TRPC6: variants seen among roughly 807,000 people sequenced by gnomAD.
TRPC6 encodes the protein short transient receptor potential channel 6.
Under a neutral mutation model 90.7 loss-of-function variants are expected in TRPC6, and 55 were observed. The observed-to-expected ratio is 0.61, with a 90% CI of 0.49 to 0.76. The LOEUF (loss-of-function observed/expected upper bound fraction) is 0.76. Ranked by LOEUF, TRPC6 falls within the 30% of genes least tolerant of loss-of-function variation. The pLI is 0.00. For missense variants in TRPC6, 989 were observed against 1,122.7 expected (o/e 0.88, Z 1.70); for synonymous variants, 393 against 393.0 (o/e 1.00, Z 0.00).
chr11:101,476,267 AT>A lies in TRPC6; in HGVS notation c.1744+33del, dbSNP rs772788199. ...CATCTGTTTTACAAGAAAATTCTGC[AT>A]TTTTATTTATATTGACTGTACTGTA... On this transcript the variant is annotated intron_variant, in intron 6 of 12. Transcript: ENST00000344327. 6.3e-5 allele frequency: 100 copies of A among 1,585,806 alleles called. No individual in the cohort carries two copies. The African/African-American group carries it at 1.1e-3, about 18-fold the overall frequency.
rs537713997 is a variant in TRPC6, at chr11:101,583,654, G to A, written c.-151C>T. On this transcript the variant is annotated 5_prime_UTR_variant, in exon 1 of 13. Coordinates refer to ENST00000344327, the MANE Select transcript of TRPC6 (RefSeq NM_004621.6). Reference sequence around the variant, plus strand: ...GGACGACGGTGAAGCAGGGGGTGCAGACGCCCGCCGCAAGTGGCTCGCCCA... The same window carrying A: ...GGACGACGGTGAAGCAGGGGGTGCAAACGCCCGCCGCAAGTGGCTCGCCCA... 8.9e-6 allele frequency: 7 copies of A among 787,746 alleles called. No individual in the cohort carries two copies. The African/African-American group carries it at 1.3e-4, about 14-fold the overall frequency. The allele number at this position is 787,746 out of a possible 1,614,324, so 48.8% of individuals were successfully genotyped here.
intron 1 of TRPC6, among the ~76,000 whole-genome samples, chr11:101,506,352 A>C (rs905335177): frequency 1.3e-5 from 2 of 151,920 alleles, no homozygotes; most frequent in Non-Finnish European, 2.9e-5. Flanking sequence ...AGGTCTGGAG[A>C]ATCTTAGTTG....
At chr11:101,478,161 GC>G (rs1364626219) in intron 5 of TRPC6, among the ~76,000 whole-genome samples, 4 of 152,170 alleles carry the variant, frequency 2.6e-5, no homozygotes, top group East Asian at 1.9e-4. Flanking sequence ...TTAAGGAAAT[GC>G]CCCGTCTCTA....
At chr11:101,566,070 G>A (rs541620906) in intron 1 of TRPC6, among the ~76,000 whole-genome samples, 1 of 146,994 alleles carries the variant, frequency 6.8e-6, no homozygotes, top group South Asian at 2.2e-4. Context: ...GAAGTGACAT[G>A]AGGATAATTT....
At chr11:101,473,371 A>G in intron 7 of TRPC6, 138 bp downstream of exon 7, 1 of 903,484 alleles carries the variant, frequency 1.1e-6, no homozygotes, top group Non-Finnish European at 1.7e-6. Flanking sequence ...TCATTTGTAA[A>G]ATCCCCTCAT....
intron 1 of TRPC6, among the ~76,000 whole-genome samples, chr11:101,567,421 G>T (rs575835867): frequency 1.3e-5 from 2 of 152,152 alleles, no homozygotes; most frequent in Admixed American, 6.5e-5. Context: ...TGGGGGAAGG[G>T]GTGGTTGTAG....
intron 1 of TRPC6, among the ~76,000 whole-genome samples, chr11:101,508,546 G>A (rs1308766794): frequency 5.3e-5 from 8 of 151,970 alleles, no homozygotes; most frequent in African/African-American, 1.5e-4. Context: ...TCACTTTTCT[G>A]GCTTCTACTA....
At chr11:101,553,952 T>G (rs531503408) in intron 1 of TRPC6, among the ~76,000 whole-genome samples, 1 of 152,166 alleles carries the variant, frequency 6.6e-6, no homozygotes, top group African/African-American at 2.4e-5. Context: ...CATAGTTCTG[T>G]GGGGAAAATG....
At chr11:101,486,086 T>TGTTTC (rs1417539938) in intron 4 of TRPC6, among the ~76,000 whole-genome samples, 1 of 65,794 alleles carries the variant, frequency 1.5e-5, no homozygotes, top group Non-Finnish European at 3.1e-5. Flanking sequence ...GGTGTTTTCT[T>TGTTTC]GTTTTGTTTT....
At chr11:101,486,649 A>G (rs2136697881) in intron 4 of TRPC6, among the ~76,000 whole-genome samples, 1 of 152,298 alleles carries the variant, frequency 6.6e-6, no homozygotes, top group African/African-American at 2.4e-5. Context: ...GGAAAGAAGA[A>G]ACCCAACTTT....
Position 101,488,976 on chromosome 11 carries a change from G to C in TRPC6, c.1254C>G (p.Pro418=), listed in dbSNP as rs191073336. The part of the protein sequence containing the change: ...LVVLAVAIGL[P]FLALIYWFAP... ...CAAACCAGTAAATGAGAGCCAGGAA[G>C]GGCAGTCCAATGGCAACAGCAAGGA... The change falls in exon 4 of 13, where the codon CCC becomes CCG. Residue 418 remains proline (P), a synonymous_variant. Transcript: ENST00000344327. 2 of 1,614,152 alleles carry C rather than the reference G, an allele frequency of 1.2e-6. No homozygotes were observed. Among genetic ancestry groups the C allele is most frequent in the East Asian group, 4.5e-5 (2 of 44,888 alleles).
intron 1 of TRPC6, among the ~76,000 whole-genome samples, chr11:101,580,136 C>G (rs932885917): frequency 6.6e-6 from 1 of 151,998 alleles, no homozygotes; most frequent in Non-Finnish European, 1.5e-5. Context: ...TTTCATTATT[C>G]ATAATCAATC....
chr11:101,487,636 G>GA (rs11398560), intron 4 of TRPC6, among the ~76,000 whole-genome samples: 52,825 of 151,754 alleles, frequency 0.35, 10,536 homozygotes, highest in African/African-American at 0.55. Context: ...AGTAAAAAGG[G>GA]AAAAAAAGTC....
chr11:101,583,677 C>A lies in TRPC6; in HGVS notation c.-174G>T. 1.6e-6 allele frequency: 1 copy of A among 622,462 alleles called. No homozygotes were observed. The highest frequency in any genetic ancestry group is 3.2e-5 in the South Asian group (1 of 31,184). 38.6% of individuals were successfully genotyped at this position (622,462 alleles called of 1,614,324 possible). On this transcript the variant is annotated 5_prime_UTR_variant, in exon 1 of 13. Coordinates refer to ENST00000344327, the MANE Select transcript of TRPC6 (RefSeq NM_004621.6). ...CAGACGCCCGCCGCAAGTGGCTCGC[C>A]CACTGGCCCGGGGAAAAGTCACCAC...
At chr11:101,455,775 C>G (rs1858868881) in intron 10 of TRPC6, among the ~76,000 whole-genome samples, 1 of 152,134 alleles carries the variant, frequency 6.6e-6, no homozygotes, top group African/African-American at 2.4e-5. Flanking sequence ...CTTGCATTCA[C>G]TTCAGTGCTT....
chr11:101,565,281 A>C (rs1310261058), intron 1 of TRPC6, among the ~76,000 whole-genome samples: 1 of 152,098 alleles, frequency 6.6e-6, no homozygotes, highest in Admixed American at 6.6e-5. Flanking sequence ...TCAAAACTAC[A>C]TAATATTCAG....
intron 2 of TRPC6, among the ~76,000 whole-genome samples, chr11:101,499,557 A>C (rs1860037710): frequency 7.4e-6 from 1 of 136,026 alleles, no homozygotes. Flanking sequence ...TTTTAGCTAC[A>C]TATATATACA....
intron 2 of TRPC6, 87 bp downstream of exon 2, chr11:101,503,937 G>A: frequency 6.6e-7 from 1 of 1,520,848 alleles, no homozygotes; most frequent in East Asian, 2.3e-5. Flanking sequence ...ACAGTAACTA[G>A]CACAGTGCTG....
intron 1 of TRPC6, among the ~76,000 whole-genome samples, chr11:101,530,678 G>A (rs1860890921): frequency 6.6e-6 from 1 of 152,108 alleles, no homozygotes; most frequent in Admixed American, 6.6e-5. Flanking sequence ...CAAGATCCTG[G>A]AAGTCCAGTC....
Sources: gnomAD v4.1 joint callset for allele counts (sites outside exome capture counted in the v4.1 genomes callset) on GRCh38, gnomAD v4.1.1 for gene constraint, MANE v1.5 for transcripts, NCBI Gene and HGNC (gene_info 2026-07-23, HGNC 2026-07-21) for gene names.